Variants in ODAD2 observed in about 807,000 individuals in gnomAD.
The protein encoded by ODAD2 is outer dynein arm docking complex subunit 2, also known as outer dynein arm-docking complex subunit 2.
In ODAD2, 89 loss-of-function variants were observed where a neutral mutation model predicts 106.8. The ratio of observed to expected loss-of-function variants is 0.83; its 90% confidence interval spans 0.70 to 0.99. The LOEUF is 0.99. Ranked by LOEUF, ODAD2 falls within the 50% of genes least tolerant of loss-of-function variation. The pLI is 0.00. For synonymous variants in ODAD2, 404 were observed against 436.2 expected (o/e 0.93, Z 0.92); for missense variants, 1,168 against 1,238.5 (o/e 0.94, Z 0.85).
At position 27,936,792 on chromosome 10, in the gene ODAD2, T is replaced by G. The variant is rs1846009769; in HGVS notation, c.2186A>C (p.Lys729Thr). 1 of 1,613,940 alleles carries G rather than the reference T, an allele frequency of 6.2e-7. No individual in the cohort carries two copies. Among genetic ancestry groups the G allele is most frequent in the Non-Finnish European group, 8.5e-7 (1 of 1,179,954 alleles). ...LASLLNNTDN[K>T]ERLAAVTGAI... ...CCCTGTGACAGCAGCTAACCGCTCT[T>G]TATTGTCAGTGTTATTGAGTAGACT... The change falls in exon 15 of 20, where the codon AAA (lysine) becomes ACA (threonine). Residue 729 changes from lysine to threonine, a missense_variant. By Grantham distance (78) the Lys-to-Thr change is moderately conservative. This residue lies in a region of ODAD2 where 701 missense variants were observed against 712.3 expected (regional missense o/e 0.98). Coordinates refer to ENST00000305242, the MANE Select transcript of ODAD2 (RefSeq NM_018076.5).
intron 19 of ODAD2, among the ~76,000 whole-genome samples, chr10:27,859,577 A>G (rs1295469058): frequency 1.3e-5 from 2 of 152,200 alleles, no homozygotes; most frequent in African/African-American, 4.8e-5. Flanking sequence ...CACTTTGGGC[A>G]TCTGTTTTAA....
chr10:27,921,016 A>C (rs987559674), intron 16 of ODAD2, among the ~76,000 whole-genome samples: 3 of 152,208 alleles, frequency 2.0e-5, no homozygotes, highest in Non-Finnish European at 4.4e-5. Context: ...GCCATGTAAC[A>C]ATCAGTCCAA....
At position 27,981,263 on chromosome 10, in the gene ODAD2, T is replaced by C. The variant is rs542877228; in HGVS notation, c.936+203A>G. 5.9e-5 allele frequency among the ~76,000 whole-genome samples: 9 copies of C among 152,296 alleles called. No homozygotes were observed. The South Asian group carries it at 1.0e-3, about 18-fold the overall frequency. On this transcript the variant is annotated intron_variant, in intron 7 of 19. Transcript: ENST00000305242. Reference sequence around the variant, plus strand: ...TGACAATAGTGATATTTGTACAACATTGTGAATGTAATTAATGCCATTGAA... The same window carrying C: ...TGACAATAGTGATATTTGTACAACACTGTGAATGTAATTAATGCCATTGAA...
At chr10:27,896,719 G>A (rs1320567635) in intron 17 of ODAD2, among the ~76,000 whole-genome samples, 1 of 151,922 alleles carries the variant, frequency 6.6e-6, no homozygotes, top group Non-Finnish European at 1.5e-5. Flanking sequence ...TTCTCCATCT[G>A]TGCTTGTGTA....
chr10:27,982,156 A>G (rs2133105466), intron 6 of ODAD2, among the ~76,000 whole-genome samples: 1 of 143,036 alleles, frequency 7.0e-6, no homozygotes. Context: ...TTGTTCTTCC[A>G]TAACAGAATA....
intron 17 of ODAD2, among the ~76,000 whole-genome samples, chr10:27,893,021 T>A (rs1350379131): frequency 1.3e-5 from 2 of 151,998 alleles, no homozygotes; most frequent in Non-Finnish European, 2.9e-5. Context: ...TGGGGCTGCA[T>A]GCTTGTCCAT....
intron 17 of ODAD2, among the ~76,000 whole-genome samples, chr10:27,882,173 A>AAAATAAAG (rs1244028116): frequency 9.1e-6 from 1 of 109,682 alleles, no homozygotes; most frequent in African/African-American, 3.5e-5. Flanking sequence ...GTCATAAAAA[A>AAAATAAAG]AAAGAAAGAA....
chr10:27,854,324 A>G (rs1033693854), intron 19 of ODAD2, among the ~76,000 whole-genome samples: 1 of 152,204 alleles, frequency 6.6e-6, no homozygotes, highest in African/African-American at 2.4e-5. Flanking sequence ...AAAGGTACAC[A>G]TACCGTATGA....
intron 16 of ODAD2, among the ~76,000 whole-genome samples, chr10:27,914,102 C>T (rs1844199005): frequency 6.6e-6 from 1 of 152,044 alleles, no homozygotes; most frequent in African/African-American, 2.4e-5. Flanking sequence ...CAATGGTAGA[C>T]TGGATAAAGA....
chr10:27,816,749 TTTTG>T (rs975020923), intron 19 of ODAD2, among the ~76,000 whole-genome samples: 5 of 152,192 alleles, frequency 3.3e-5, no homozygotes, highest in East Asian at 3.9e-4. Flanking sequence ...TTATGCAGTT[TTTTG>T]TTTGTTTGTT....
intron 19 of ODAD2, among the ~76,000 whole-genome samples, chr10:27,838,787 C>T (rs180927160): frequency 5.1e-4 from 78 of 152,218 alleles, no homozygotes; most frequent in Non-Finnish European, 9.1e-4. Context: ...TTTGACCCTC[C>T]AAAACTCTCT....
At chr10:27,836,219 T>C (rs1338198429) in intron 19 of ODAD2, 1 of 152,190 alleles carries the variant, frequency 6.6e-6, no homozygotes, top group Non-Finnish European at 1.5e-5. Context: ...TGTGTGTGTA[T>C]ATAGAAAGGT....
At chr10:27,842,866 A>G (rs976716092) in intron 19 of ODAD2, among the ~76,000 whole-genome samples, 1 of 152,218 alleles carries the variant, frequency 6.6e-6, no homozygotes, top group Admixed American at 6.5e-5. Flanking sequence ...TGATCCAGCA[A>G]TTCTGCTCCT....
chr10:27,918,577 C>T (rs2133942308), intron 16 of ODAD2, among the ~76,000 whole-genome samples: 1 of 151,834 alleles, frequency 6.6e-6, no homozygotes, highest in Non-Finnish European at 1.5e-5. Context: ...TCTACAAAAA[C>T]CTACCACTAA....
chr10:27,896,568 G>A (rs1470089336), intron 17 of ODAD2, among the ~76,000 whole-genome samples: 1 of 152,102 alleles, frequency 6.6e-6, no homozygotes, highest in African/African-American at 2.4e-5. Context: ...TGCTCTTCTG[G>A]TTTTGTTCTT....
rs370485050 is a variant in ODAD2, at chr10:27,944,285, C to T, written c.1680G>A (p.Ala560=). ...SLKCLAAETI[A]NVAKFKRARR... ...GTGCTCTTTTAAACTTGGCAACATT[C>T]GCGATAGTCTCGGCTGCCAAACATT... is the stretch of plus-strand genomic sequence containing the variant. The change falls in exon 12 of 20, where the codon GCG becomes GCA. Residue 560 remains alanine (A), a synonymous_variant. Coordinates refer to ENST00000305242, the MANE Select transcript of ODAD2 (RefSeq NM_018076.5). 2.2e-5 allele frequency: 35 copies of T among 1,613,874 alleles called. No individual in the cohort carries two copies. Among genetic ancestry groups the T allele is most frequent in the South Asian group, 3.3e-5 (3 of 91,076 alleles).
intron 8 of ODAD2, among the ~76,000 whole-genome samples, chr10:27,970,336 T>C (rs1437531013): frequency 6.6e-6 from 1 of 152,092 alleles, no homozygotes; most frequent in Non-Finnish European, 1.5e-5. Context: ...GGTATTAAAG[T>C]TCTGTTAGAC....
intron 19 of ODAD2, among the ~76,000 whole-genome samples, chr10:27,857,482 G>T (rs1373748159): frequency 1.3e-5 from 2 of 152,090 alleles, no homozygotes; most frequent in African/African-American, 2.4e-5. Context: ...CAAGTGTATT[G>T]GGTTAAATAT....
intron 17 of ODAD2, among the ~76,000 whole-genome samples, chr10:27,893,904 C>T (rs1295748526): frequency 6.6e-6 from 1 of 151,982 alleles, no homozygotes; most frequent in Non-Finnish European, 1.5e-5. Context: ...AATCCCAGTG[C>T]TTTGGGAGGC....
Sources: allele counts gnomAD v4.1 joint callset (sites outside exome capture counted in the v4.1 genomes callset), GRCh38; gene constraint gnomAD v4.1.1; regional missense constraint gnomAD v4.1.1; transcripts MANE v1.5; gene names NCBI Gene and HGNC (gene_info 2026-07-23, HGNC 2026-07-21).